The following PHACTR2 variants were observed in gnomAD, a reference collection of about 807,000 sequenced individuals.
PHACTR2 encodes the protein phosphatase and actin regulator 2, also known as chromosome 6 open reading frame 56.
In PHACTR2, 30 loss-of-function variants were observed where a neutral mutation model predicts 76.0. That is an observed-to-expected ratio of 0.39 (90% CI 0.30 to 0.54). PHACTR2 has a LOEUF of 0.54. Among genes scored for constraint, PHACTR2 ranks in the 20% least tolerant of loss-of-function variants. The probability of loss-of-function intolerance (pLI) is 0.61; values close to 1 mark genes in which losing one functional copy is unlikely to be tolerated. For synonymous variants in PHACTR2, 292 were observed against 292.5 expected, an observed-to-expected ratio of 1.00 and a Z score of 0.02; for missense variants, 696 against 781.1, an observed-to-expected ratio of 0.89 and a Z score of 1.30.
At position 143,585,194 on chromosome 6, in the gene PHACTR2, G is replaced by T. The variant is rs1775614540; in HGVS notation, c.217+47987G>T. Among the ~76,000 whole-genome samples the T allele has an allele frequency of 6.6e-6, 1 of 152,078 alleles. No homozygotes were observed. The highest frequency in any genetic ancestry group is 1.5e-5 in the Non-Finnish European group (1 of 68,014). On this transcript the variant is annotated intron_variant, in intron 1 of 11. Transcript: ENST00000367584. This position sits in a 1 kb window ranked among gnomAD's most constrained non-coding sequence, Gnocchi z 5.2. ...GGGACAGAGAGTGGGGGCTTAGTGG[G>T]GTAGAGACTGCATCTGCACCATGAG...
chr6:143,644,485 AG>A (rs1776623043), intron 1 of PHACTR2, among the ~76,000 whole-genome samples: 2 of 142,118 alleles, frequency 1.4e-5, no homozygotes, highest in African/African-American at 5.0e-5. Flanking sequence ...AAAAAAAAAA[AG>A]TACAGTTATG....
rs575632103 is a variant in PHACTR2, at chr6:143,543,981, G to A, written c.217+6774G>A. On this transcript the variant is annotated intron_variant, in intron 1 of 11. Transcript: ENST00000367584. The surrounding 1 kb of genome is among the most constrained non-coding windows in gnomAD (Gnocchi z 4.7). ...GATGTGCTGAGTATTTCTAACTGAA[G>A]GACATTGGAAGGGCCTCAGAAGTAA... Among the ~76,000 whole-genome samples, 4 of 152,278 alleles carry A rather than the reference G, an allele frequency of 2.6e-5. No individual in the cohort carries two copies. Among genetic ancestry groups the A allele is most frequent in the Admixed American group, 2.6e-4 (4 of 15,302 alleles).
chr6:143,766,138 A>G (rs1779559074), intron 6 of PHACTR2, among the ~76,000 whole-genome samples: 1 of 152,192 alleles, frequency 6.6e-6, no homozygotes, highest in African/African-American at 2.4e-5. Context: ...GTGCTTACCT[A>G]CTCATGTCAG....
chr6:143,657,457 C>T (rs1013652830), intron 1 of PHACTR2, among the ~76,000 whole-genome samples: 5 of 152,118 alleles, frequency 3.3e-5, no homozygotes, highest in East Asian at 1.9e-4. Flanking sequence ...AGAACTTCAT[C>T]AGTCATAGAA....
intron 1 of PHACTR2, among the ~76,000 whole-genome samples, chr6:143,701,602 T>A (rs1183092021): frequency 6.6e-6 from 1 of 152,102 alleles, no homozygotes; most frequent in African/African-American, 2.4e-5. Context: ...ACTACCCTCC[T>A]CCCCATTTTT....
rs1476442824 is a variant in PHACTR2, at chr6:143,616,071, G to T, written c.13+7749G>T. ...AGAGCTATGGTTTCAAAGTTTCAGGGTTTCCTACCACTTGGTATAAAGTAT... is the reference window on the plus strand; with the variant it reads ...AGAGCTATGGTTTCAAAGTTTCAGGTTTTCCTACCACTTGGTATAAAGTAT... On this transcript the variant is annotated intron_variant, in intron 1 of 11. Coordinates refer to the PHACTR2 transcript ENST00000305766. This position sits in a 1 kb window ranked among gnomAD's most constrained non-coding sequence, Gnocchi z 4.9. Among the ~76,000 whole-genome samples the T allele has an allele frequency of 1.3e-5, 2 of 152,124 alleles. No homozygotes were observed. The highest frequency in any genetic ancestry group is 2.9e-5 in the Non-Finnish European group (2 of 68,008).
chr6:143,638,227 GATCGCT>G (rs1776499444), intron 1 of PHACTR2, among the ~76,000 whole-genome samples: 1 of 152,108 alleles, frequency 6.6e-6, no homozygotes, highest in Non-Finnish European at 1.5e-5. Context: ...CAAATTCAGT[GATCGCT>G]ATGGCTTAAA....
rs527336384 is a variant in PHACTR2 at position 143,644,876 on chromosome 6, A to G, written c.13+36554A>G. Among the ~76,000 whole-genome samples, 45 of 151,858 alleles carry G rather than the reference A, an allele frequency of 3.0e-4. No homozygotes were observed. In the South Asian group the frequency reaches 8.3e-3, roughly 28 times the overall value. On this transcript the variant is annotated intron_variant, in intron 1 of 11. Coordinates refer to the PHACTR2 transcript ENST00000305766. ...TGGGGAACAGGTGGTGTTTGGTTAC[A>G]TGAGTAAGTTCTTTAGTGGTGATTT...
chr6:143,560,879 A>AGGGG (rs3221843), intron 1 of PHACTR2, among the ~76,000 whole-genome samples: 2 of 128,304 alleles, frequency 1.6e-5, no homozygotes, highest in African/African-American at 6.1e-5. Context: ...TGCAAAGCAG[A>AGGGG]GGGGTGTGTG....
intron 1 of PHACTR2, among the ~76,000 whole-genome samples, chr6:143,540,389 ACCCCAGCCTCC>A (rs1359029787): frequency 6.6e-6 from 1 of 152,060 alleles, no homozygotes; most frequent in Non-Finnish European, 1.5e-5. Context: ...TGCAATCATT[ACCCCAGCCTCC>A]CCCACAGCTC....
chr6:143,622,036 A>G (rs1258876769), intron 1 of PHACTR2, among the ~76,000 whole-genome samples: 2 of 152,162 alleles, frequency 1.3e-5, no homozygotes, highest in African/African-American at 4.8e-5. Context: ...ATGATAGTAC[A>G]CAGACCCCAC....
rs962670929 is a variant in PHACTR2 at position 143,683,338 on chromosome 6, G to A, written c.46+5129G>A. 6.6e-6 allele frequency among the ~76,000 whole-genome samples: 1 copy of A among 152,148 alleles called. No individual in the cohort carries two copies. Among genetic ancestry groups the A allele is most frequent in the African/African-American group, 2.4e-5 (1 of 41,430 alleles). ...AAACCAATGATTATATGAATGAGAGGTATGTATTTTTTATATTCTTTTTTT... is the reference window on the plus strand; with the variant it reads ...AAACCAATGATTATATGAATGAGAGATATGTATTTTTTATATTCTTTTTTT... On this transcript the variant is annotated intron_variant, in intron 1 of 12. Transcript: ENST00000440869. The surrounding 1 kb of genome is among the most constrained non-coding windows in gnomAD (Gnocchi z 4.1).
At chr6:143,675,253 C>T (rs1777220117), upstream of PHACTR2, among the ~76,000 whole-genome samples, 1 of 152,214 alleles carries the variant, frequency 6.6e-6, no homozygotes, top group South Asian at 2.1e-4. The surrounding 1 kb of genome is among the most constrained non-coding windows in gnomAD (Gnocchi z 4.9). Context: ...TAGAGTGTTC[C>T]ATGGAAAAAA....
chr6:143,737,751 C>T (rs1778852189), intron 2 of PHACTR2, among the ~76,000 whole-genome samples: 1 of 152,146 alleles, frequency 6.6e-6, no homozygotes, highest in Non-Finnish European at 1.5e-5. Flanking sequence ...TGAAACTACC[C>T]ATTTTCCTAT....
At chr6:143,749,203 C>T (rs1318877478) in intron 3 of PHACTR2, 138 bp downstream of exon 3, 2 of 595,786 alleles carry the variant, frequency 3.4e-6, no homozygotes, top group African/African-American at 3.8e-5. Context: ...CGCCGTGCTT[C>T]CATTGGTAAT....
Position 143,775,291 on chromosome 6 carries a change from C to T in PHACTR2, c.1589+1076C>T, listed in dbSNP as rs1775246949. Among the ~76,000 whole-genome samples the T allele has an allele frequency of 6.6e-6, 1 of 152,182 alleles. No individual in the cohort carries two copies. Among genetic ancestry groups the T allele is most frequent in the Non-Finnish European group, 1.5e-5 (1 of 68,030 alleles). Reference sequence around the variant, plus strand: ...AGAGGGTCTCTCTGTTCTGTAAACCCTCTTGCGACTCTGGAAGAAATTTGG... The same window carrying T: ...AGAGGGTCTCTCTGTTCTGTAAACCTTCTTGCGACTCTGGAAGAAATTTGG... On this transcript the variant is annotated intron_variant, in intron 8 of 12. Coordinates refer to ENST00000440869, the MANE Select transcript of PHACTR2 (RefSeq NM_001100164.2). The surrounding 1 kb of genome is among the most constrained non-coding windows in gnomAD (Gnocchi z 4.4).
At chr6:143,792,676 C>T (rs1413172102) in intron 11 of PHACTR2, among the ~76,000 whole-genome samples, 1 of 152,138 alleles carries the variant, frequency 6.6e-6, no homozygotes, top group Non-Finnish European at 1.5e-5. Context: ...TCCAAGATAA[C>T]CTCTCTAACA....
chr6:143,726,855 T>C (rs1324826769), intron 2 of PHACTR2, among the ~76,000 whole-genome samples: 4 of 152,204 alleles, frequency 2.6e-5, no homozygotes, highest in African/African-American at 9.7e-5. Flanking sequence ...AGGATACATG[T>C]GATATTTTGT....
At chr6:143,704,673 C>T (rs79041879) in intron 1 of PHACTR2, among the ~76,000 whole-genome samples, 3,322 of 152,266 alleles carry the variant, frequency 0.022, 99 homozygotes, top group African/African-American at 0.075. Flanking sequence ...CTCTACAGTT[C>T]ATTAGGATTT....
Sources: gnomAD v4.1 joint callset for allele counts (sites outside exome capture counted in the v4.1 genomes callset) on GRCh38, gnomAD v4.1.1 for gene constraint, Gnocchi (gnomAD v3.1) non-coding constraint, MANE v1.5 for transcripts, NCBI Gene and HGNC (gene_info 2026-07-23, HGNC 2026-07-21) for gene names.